Variants in MED14 observed in about 807,000 individuals in gnomAD.
MED14 encodes the protein mediator of RNA polymerase II transcription subunit 14.
In MED14, 8 loss-of-function variants were observed where a neutral mutation model predicts 109.0. The ratio of observed to expected loss-of-function variants is 0.07; its 90% CI spans 0.04 to 0.13. The LOEUF is 0.13. MED14 is among the 10% of genes least tolerant of loss of function. The pLI, the probability that MED14 is intolerant of heterozygous loss-of-function variation, is 1.00. For synonymous variants in MED14, 399 were observed against 408.7 expected (o/e 0.98, Z 0.29); for missense variants, 711 against 1,142.4 (o/e 0.62, Z 5.44).
At chrX:40,687,522 T>C (rs764935894) in intron 16 of MED14, among the ~76,000 whole-genome samples, 2 of 111,984 alleles carry the variant, frequency 1.8e-5, no homozygotes, top group South Asian at 7.4e-4. Context: ...GCCTAAATTG[T>C]TGAAGGACAT....
Position 40,651,831 on chromosome X carries a change from G to A in MED14, c.4340C>T (p.Thr1447Ile), listed in dbSNP as rs776837053. 5.3e-5 allele frequency: 64 copies of A among 1,197,864 alleles called. No individual in the cohort carries two copies. The highest frequency in any genetic ancestry group is 7.1e-5 in the Non-Finnish European group (63 of 889,120). Residue 1447 changes from threonine (T) to isoleucine (I), a missense_variant, in exon 31 of 31, where the codon ACA (threonine) becomes ATA (isoleucine). By Grantham distance (89) the Thr-to-Ile change is moderately conservative (BLOSUM62 -1). Transcript: ENST00000324817. ...CTATGGACGCCCACCAGGGGGCAGT[G>A]TAAGATTAGCCATTAAATCACGAAC... ...AAVRDLMANL[T>I]LPPGGRP
chrX:40,692,965 ACAT>A lies in MED14; in HGVS notation c.1651-66_1651-64del, dbSNP rs1930583790. 4.7e-6 allele frequency: 4 copies of A among 852,271 alleles called. No homozygotes were observed. The South Asian group carries it at 1.1e-4, about 23-fold the overall frequency. 70.2% of individuals were successfully genotyped at this position (852,271 alleles called of 1,213,427 possible). ...AGAAGTGTCAGATATTTTCCTCCGTACATCATCAAGTAAGGCTCAGAATTATAA... is the reference window on the plus strand; with the variant it reads ...AGAAGTGTCAGATATTTTCCTCCGTACATCAAGTAAGGCTCAGAATTATAA... On this transcript the variant is annotated intron_variant, in intron 13 of 30. Coordinates refer to ENST00000324817, the MANE Select transcript of MED14 (RefSeq NM_004229.4).
rs1428768997 is a variant in MED14, at chrX:40,729,478, G to T, written c.216-133C>A. The T allele has an allele frequency of 7.4e-6, 4 of 540,626 alleles. No homozygotes were observed. The East Asian group carries it at 1.1e-4, about 15-fold the overall frequency. 44.6% of individuals were successfully genotyped at this position (540,626 alleles called of 1,213,427 possible). ...GGGTAAACAGCTACTACAGGCTCAT[G>T]TAGCTACCTACTCTTTTTTAGATTT... On this transcript the variant is annotated intron_variant, in intron 1 of 30. Transcript: ENST00000324817.
At chrX:40,727,008 T>C (rs1931916858) in intron 2 of MED14, among the ~76,000 whole-genome samples, 157 bp from the exon 3 acceptor site, 1 of 112,275 alleles carries the variant, frequency 8.9e-6, no homozygotes, top group Non-Finnish European at 1.9e-5. Flanking sequence ...TATGAACTAT[T>C]GTCACATTTT....
At chrX:40,722,322 T>A (rs1299842304) in intron 3 of MED14, among the ~76,000 whole-genome samples, 1 of 111,944 alleles carries the variant, frequency 8.9e-6, no homozygotes, top group Non-Finnish European at 1.9e-5. Context: ...ATCGGCATAC[T>A]GAAGAATGCA....
chrX:40,717,427 T>C (rs1474643639), intron 3 of MED14, among the ~76,000 whole-genome samples: 3 of 111,813 alleles, frequency 2.7e-5, no homozygotes, highest in African/African-American at 9.8e-5. Context: ...ATGCATTTCA[T>C]AAGGATACCT....
chrX:40,679,469 T>C (rs1930035182), intron 21 of MED14, among the ~76,000 whole-genome samples: 1 of 111,768 alleles, frequency 8.9e-6, no homozygotes, highest in African/African-American at 3.3e-5. Context: ...ATTGTGCCGC[T>C]GCACTCCAGC....
rs977157583 is a variant in MED14 at position 40,651,146 on chromosome X, T to G, written c.*660A>C. 1.1e-4 allele frequency: 85 copies of G among 749,485 alleles called. No homozygotes were observed. Among genetic ancestry groups the G allele is most frequent in the Non-Finnish European group, 1.3e-4 (82 of 635,987 alleles). The allele number at this position is 749,485 out of a possible 1,213,427, so 61.8% of individuals were successfully genotyped here. A position where few individuals can be genotyped will look rare whatever the true frequency, so the allele number is the denominator to read the frequency against. ...TATTAACCTTGACATAAAGAAGATG[T>G]TTTTGGTCAAATTTCAGACATGTAT... On this transcript the variant is annotated 3_prime_UTR_variant, in exon 31 of 31. Transcript: ENST00000324817.
At chrX:40,653,037 T>C (rs1928928625) in intron 30 of MED14, among the ~76,000 whole-genome samples, 2 of 112,660 alleles carry the variant, frequency 1.8e-5, no homozygotes, top group Admixed American at 1.9e-4. Context: ...AGGAGAAGTA[T>C]TGTTTTTTAA....
chrX:40,732,964 A>G (rs1192005615), intron 1 of MED14, among the ~76,000 whole-genome samples: 1 of 111,110 alleles, frequency 9.0e-6, no homozygotes, highest in Non-Finnish European at 1.9e-5. Context: ...TAAGATGACC[A>G]CATGTTCTGG....
intron 28 of MED14, among the ~76,000 whole-genome samples, chrX:40,655,406 C>T (rs767507870): frequency 2.7e-5 from 3 of 111,339 alleles, no homozygotes; most frequent in Admixed American, 9.6e-5. Context: ...CCCCTAACAG[C>T]TCTTTCCAGT....
intron 23 of MED14, among the ~76,000 whole-genome samples, chrX:40,667,892 AAG>A (rs1929559257): frequency 9.0e-6 from 1 of 111,452 alleles, no homozygotes; most frequent in Admixed American, 9.5e-5. Flanking sequence ...ATGGGTATGA[AAG>A]AGACGTCCAG....
At chrX:40,721,939 C>T (rs1931735576) in intron 3 of MED14, among the ~76,000 whole-genome samples, 1 of 112,138 alleles carries the variant, frequency 8.9e-6, no homozygotes, top group African/African-American at 3.2e-5. Flanking sequence ...AAAACCACAG[C>T]ATTATTGAGC....
At chrX:40,724,093 G>A (rs1400888634) in intron 3 of MED14, among the ~76,000 whole-genome samples, 1 of 112,146 alleles carries the variant, frequency 8.9e-6, no homozygotes, top group African/African-American at 3.2e-5. Context: ...TATGAAAAGA[G>A]ACAAAGAAGG....
At chrX:40,734,824 T>G (rs1321580287) in intron 1 of MED14, among the ~76,000 whole-genome samples, 1 of 112,701 alleles carries the variant, frequency 8.9e-6, no homozygotes, top group African/African-American at 3.2e-5. Flanking sequence ...ACAGCTTACA[T>G]TTAAAACGTA....
chrX:40,677,461 A>C (rs1000983769), intron 21 of MED14, among the ~76,000 whole-genome samples: 5 of 111,558 alleles, frequency 4.5e-5, no homozygotes, highest in South Asian at 3.8e-4. Flanking sequence ...ACACCCCCCC[A>C]CACACAAAAG....
intron 1 of MED14, among the ~76,000 whole-genome samples, chrX:40,730,955 A>G (rs1050259317): frequency 7.5e-4 from 81 of 108,207 alleles, no homozygotes; most frequent in Non-Finnish European, 1.4e-3. Context: ...GTTTGGGACC[A>G]GCCTGGGCAC....
chrX:40,703,990 G>A (rs1276680806), intron 10 of MED14, among the ~76,000 whole-genome samples: 1 of 111,987 alleles, frequency 8.9e-6, no homozygotes, highest in East Asian at 2.8e-4. Flanking sequence ...TATCTTCTAT[G>A]GCCTCATGAT....
chrX:40,660,841 A>G (rs755111052), intron 26 of MED14, among the ~76,000 whole-genome samples: 2 of 112,893 alleles, frequency 1.8e-5, no homozygotes, highest in Non-Finnish European at 3.7e-5. Flanking sequence ...TTCCCCACCA[A>G]ATCTTAGTAT....
Sources: gnomAD v4.1 joint callset for allele counts (sites outside exome capture counted in the v4.1 genomes callset) on GRCh38, gnomAD v4.1.1 for gene constraint, MANE v1.5 for transcripts, NCBI Gene and HGNC (gene_info 2026-07-23, HGNC 2026-07-21) for gene names.